DNAJC12: variants seen among roughly 807,000 people sequenced by gnomAD.
DNAJC12 encodes dnaJ homolog subfamily C member 12.
A neutral mutation model predicts 28.5 loss-of-function variants in DNAJC12; 25 were observed. The observed-to-expected ratio is 0.88, with a 90% CI of 0.64 to 1.22. The LOEUF is 1.22. Ranked by LOEUF, DNAJC12 falls within the 50% of genes most tolerant of loss-of-function variation. DNAJC12 has a pLI of 0.00. For synonymous variants in DNAJC12, 77 were observed against 80.6 expected, an observed-to-expected ratio of 0.95 and a Z score of 0.24; for missense variants, 222 against 231.7, an observed-to-expected ratio of 0.96 and a Z score of 0.27.
At chr10:67,798,214 A>G (rs1274333469) in intron 4 of DNAJC12, among the ~76,000 whole-genome samples, 3 of 152,102 alleles carry the variant, frequency 2.0e-5, no homozygotes, top group Non-Finnish European at 4.4e-5. Context: ...TTAGCAAATG[A>G]AAGCTGGTTA....
In DNAJC12 at chr10:67,838,138, G is replaced by T; in HGVS notation, c.-127C>A. On this transcript the variant is annotated 5_prime_UTR_variant, in exon 1 of 5. Coordinates refer to ENST00000225171, the MANE Select transcript of DNAJC12 (RefSeq NM_021800.3). ...TCCACATAGCAAAAACTAGCTTTAA[G>T]ACTGGCCACAGTCAATACACCAGAT... 1.6e-6 allele frequency: 1 copy of T among 610,902 alleles called. No homozygotes were observed. The allele number at this position is 610,902 out of a possible 1,614,324, so 37.8% of individuals were successfully genotyped here. A position where few individuals can be genotyped will look rare whatever the true frequency, so the allele number is the denominator to read the frequency against.
intron 1 of DNAJC12, among the ~76,000 whole-genome samples, chr10:67,834,613 A>G (rs1184474623): frequency 6.6e-6 from 1 of 152,216 alleles, no homozygotes; most frequent in African/African-American, 2.4e-5. Context: ...GGATCACTTG[A>G]GGTCAGGAGT....
In DNAJC12 at chr10:67,808,230, A is replaced by G. The variant is rs369627822; in HGVS notation, c.298-2443T>C. On this transcript the variant is annotated intron_variant, in intron 3 of 4. Transcript: ENST00000225171. ...AAGATATCAAATGACAGCAATTGAT[A>G]CAGACTAAGAGAGAGACTAGAAAGG... is the stretch of plus-strand genomic sequence containing the variant. Among the ~76,000 whole-genome samples, 39 of 152,370 alleles carry G rather than the reference A, an allele frequency of 2.6e-4. No individual in the cohort carries two copies. In the East Asian group the frequency reaches 3.7e-3, roughly 14 times the overall value.
At chr10:67,835,717 G>GACACAC (rs34238470) in intron 1 of DNAJC12, among the ~76,000 whole-genome samples, 12,772 of 118,824 alleles carry the variant, frequency 0.11, 715 homozygotes, top group East Asian at 0.28. Context: ...GAGAAAAAAT[G>GACACAC]ACACACACAC....
intron 2 of DNAJC12, among the ~76,000 whole-genome samples, chr10:67,814,580 A>T (rs1273010291): frequency 1.3e-5 from 2 of 152,212 alleles, no homozygotes; most frequent in Non-Finnish European, 2.9e-5. Context: ...ATGACAAACC[A>T]TGGAATGGGA....
rs1564863506 is a variant in DNAJC12 at position 67,819,757 on chromosome 10, A to AGGAG, written c.157+3556_157+3557insCTCC. Among the ~76,000 whole-genome samples, 80 of 16,088 alleles carry AGGAG rather than the reference A, an allele frequency of 5.0e-3. 4 individuals are homozygous for AGGAG. The highest frequency in any genetic ancestry group is 0.013 in the African/African-American group (70 of 5,230). The allele number at this position is 16,088 out of a possible 152,430, so 10.6% of individuals were successfully genotyped here. A position where few individuals can be genotyped will look rare whatever the true frequency, so the allele number is the denominator to read the frequency against. ...AAGGAAGGAAGGAAGGAAGGAAGGAAGGAAGGAAGGAAGGAAGGAAGGGGA... is the reference window on the plus strand; with the variant it reads ...AAGGAAGGAAGGAAGGAAGGAAGGAAGGAGGGAAGGAAGGAAGGAAGGAAGGGGA... On this transcript the variant is annotated intron_variant, in intron 2 of 4. Transcript: ENST00000225171.
chr10:67,819,682 GAAA>G (rs1564863148), intron 2 of DNAJC12, among the ~76,000 whole-genome samples: 2,517 of 13,280 alleles, frequency 0.19, 178 homozygotes, highest in Non-Finnish European at 0.25. Flanking sequence ...AAGAAAGAAA[GAAA>G]GAAAGAAAGA....
At chr10:67,819,188 C>T (rs999182152) in intron 2 of DNAJC12, among the ~76,000 whole-genome samples, 1 of 151,820 alleles carries the variant, frequency 6.6e-6, no homozygotes, top group Non-Finnish European at 1.5e-5. Context: ...AAAAAATTAG[C>T]CGGGCGCGGT....
intron 2 of DNAJC12, 44 bp downstream of exon 2, chr10:67,823,270 A>G: frequency 6.6e-7 from 1 of 1,523,746 alleles, no homozygotes; most frequent in Non-Finnish European, 9.1e-7. Flanking sequence ...TTGGTTCTAT[A>G]TACTACTCAT....
intron 2 of DNAJC12, among the ~76,000 whole-genome samples, chr10:67,813,696 T>C (rs937665085): frequency 6.6e-6 from 1 of 151,042 alleles, no homozygotes; most frequent in Non-Finnish European, 1.5e-5. Context: ...AGGCGGAGGT[T>C]GCAGTGAGCT....
intron 2 of DNAJC12, among the ~76,000 whole-genome samples, chr10:67,819,684 A>AAG (rs1258021229): frequency 9.2e-5 from 1 of 10,912 alleles, no homozygotes; most frequent in Non-Finnish European, 2.0e-4. Flanking sequence ...GAAAGAAAGA[A>AAG]AGAAAGAAAG....
chr10:67,797,375 A>C (rs906060153), intron 4 of DNAJC12, among the ~76,000 whole-genome samples, 165 bp from the exon 5 acceptor site: 7 of 152,238 alleles, frequency 4.6e-5, no homozygotes, highest in African/African-American at 1.7e-4. Context: ...ACTTAAACAG[A>C]CTGGAATTCT....
chr10:67,813,001 G>A lies in DNAJC12; in HGVS notation c.158-1338C>T, dbSNP rs967347805. ...TGCACCACTGCACTCCAGCCTGTCC[G>A]ACAGAGCAAGACTCCATCTCAAAAC... On this transcript the variant is annotated intron_variant, in intron 2 of 4. Transcript: ENST00000225171. Among the ~76,000 whole-genome samples, 2 of 152,118 alleles carry A rather than the reference G, an allele frequency of 1.3e-5. 1 individual carries two copies. The highest frequency in any genetic ancestry group is 4.1e-4 in the South Asian group (2 of 4,828).
intron 2 of DNAJC12, among the ~76,000 whole-genome samples, chr10:67,821,287 C>T (rs745702075): frequency 1.6e-4 from 25 of 151,982 alleles, no homozygotes; most frequent in Non-Finnish European, 3.2e-4. Flanking sequence ...GAGGCCAAGG[C>T]GGGCAGATCA....
intron 4 of DNAJC12, among the ~76,000 whole-genome samples, chr10:67,800,064 C>T (rs534159624): frequency 7.9e-5 from 12 of 151,358 alleles, no homozygotes; most frequent in African/African-American, 2.9e-4. Context: ...AACCCCATCT[C>T]TATAAAAAAT....
At chr10:67,815,318 G>A (rs1265575423) in intron 2 of DNAJC12, among the ~76,000 whole-genome samples, 1 of 152,060 alleles carries the variant, frequency 6.6e-6, no homozygotes, top group East Asian at 1.9e-4. Context: ...AGACCAGCCT[G>A]ACCAACATAG....
At chr10:67,803,699 G>T (rs971011142) in intron 4 of DNAJC12, among the ~76,000 whole-genome samples, 2 of 152,142 alleles carry the variant, frequency 1.3e-5, no homozygotes, top group African/African-American at 4.8e-5. Context: ...AGAAAGACTT[G>T]GGGAACCCCC....
chr10:67,801,836 CTTTTTTTTTTTTTT>C (rs577511924), intron 4 of DNAJC12, among the ~76,000 whole-genome samples: 8 of 26,120 alleles, frequency 3.1e-4, no homozygotes, highest in East Asian at 1.6e-3. Flanking sequence ...CCACTTCATT[CTTTTTTTTTTTTTT>C]TTTTTTTTTT....
chr10:67,820,120 T>C (rs1350672421), intron 2 of DNAJC12, among the ~76,000 whole-genome samples: 1 of 152,088 alleles, frequency 6.6e-6, no homozygotes, highest in African/African-American at 2.4e-5. Flanking sequence ...CCATGGAGTG[T>C]TTCAGGCAGA....
Sources: gnomAD v4.1 joint callset for allele counts (sites outside exome capture counted in the v4.1 genomes callset) on GRCh38, gnomAD v4.1.1 for gene constraint, MANE v1.5 for transcripts, NCBI Gene and HGNC (gene_info 2026-07-23, HGNC 2026-07-21) for gene names.